DDX60: variants seen among roughly 807,000 people sequenced by gnomAD.
DDX60 encodes the protein DExD/H-box helicase 60, also known as probable ATP-dependent RNA helicase DDX60.
Under a neutral mutation model 212.8 loss-of-function variants are expected in DDX60, and 165 were observed. That is an observed-to-expected ratio of 0.78 (90% CI 0.68 to 0.88). The LOEUF is 0.88. DDX60 is among the 40% of genes least tolerant of loss of function. The probability of loss-of-function intolerance (pLI) is 0.00; values close to 1 mark genes in which losing one functional copy is unlikely to be tolerated. For synonymous variants in DDX60, 703 were observed against 685.3 expected (o/e 1.03, Z -0.40); for missense variants, 1,905 against 2,003.9 (o/e 0.95, Z 0.94).
In DDX60 at chr4:168,246,603, C is replaced by T; in HGVS notation, c.3979G>A (p.Gly1327Arg). Residue 1327 changes from glycine (G) to arginine (R), a missense_variant, in exon 30 of 38, where the codon GGA (glycine) becomes AGA (arginine). By Grantham distance (125) the Gly-to-Arg change is moderately radical. Transcript: ENST00000393743. ...LNYRQMSGRA[G>R]RRGQDLMGDV... is the part of the protein sequence containing the mutation. The stretch of plus-strand genomic sequence containing the variant: ...CCCATCAGGTCTTGACCTCTTCTTC[C>T]AGCACGGCCAGACATCTGAAAAGAG... 1 of 1,614,042 alleles carries T rather than the reference C, an allele frequency of 6.2e-7. No homozygotes were observed. The highest frequency in any genetic ancestry group is 8.5e-7 in the Non-Finnish European group (1 of 1,179,960).
intron 8 of DDX60, 90 bp from the exon 9 acceptor site, chr4:168,288,405 G>A: frequency 3.3e-6 from 3 of 895,900 alleles, no homozygotes; most frequent in Non-Finnish European, 5.0e-6. Context: ...GAAAGGCAGT[G>A]GGCAGGATCA....
the DDX60 span, among the ~76,000 whole-genome samples, chr4:168,324,593 A>G: frequency 1.3e-5 from 2 of 152,302 alleles, no homozygotes. Flanking sequence ...CCAGAACCCA[A>G]AAGGACTAAA....
intron 33 of DDX60, among the ~76,000 whole-genome samples, chr4:168,234,322 C>T (rs1007654413): frequency 1.2e-4 from 18 of 151,178 alleles, no homozygotes; most frequent in Non-Finnish European, 2.1e-4. Context: ...ATTTTTTTTT[C>T]TGGGACTCCC....
intron 25 of DDX60, 146 bp downstream of exon 25, chr4:168,260,719 A>T: frequency 1.4e-6 from 1 of 734,140 alleles, no homozygotes; most frequent in Non-Finnish European, 2.3e-6. Context: ...CTGGCCCACC[A>T]CTCACCTCCT....
chr4:168,272,147 A>G lies in DDX60; in HGVS notation c.2575-9T>C. ...GGCACTGTAATAAGTACCTACAAAG[A>G]ATAATATTGTGTGAAGTAACATTTT... On this transcript the variant is annotated splice_polypyrimidine_tract_variant and intron_variant, in intron 18 of 37. Coordinates refer to ENST00000393743, the MANE Select transcript of DDX60 (RefSeq NM_017631.6). 1 of 1,561,336 alleles carries G rather than the reference A, an allele frequency of 6.4e-7. No homozygotes were observed. Among genetic ancestry groups the G allele is most frequent in the African/African-American group, 1.4e-5 (1 of 73,652 alleles).
At position 168,238,801 on chromosome 4, in the gene DDX60, T is replaced by C. The variant is rs550191613; in HGVS notation, c.4165-1006A>G. ...GATAGCATTGCATACTATAGTTTAT[T>C]GTGATTAATGTCATCCAGATAATCA... is the stretch of plus-strand genomic sequence containing the variant. On this transcript the variant is annotated intron_variant, in intron 30 of 37. Coordinates refer to ENST00000393743, the MANE Select transcript of DDX60 (RefSeq NM_017631.6). Among the ~76,000 whole-genome samples, 31 of 152,154 alleles carry C rather than the reference T, an allele frequency of 2.0e-4. 1 individual carries two copies. The highest frequency in any genetic ancestry group is 4.1e-4 in the Non-Finnish European group (28 of 68,018).
intron 5 of DDX60, among the ~76,000 whole-genome samples, chr4:168,302,666 A>T (rs1736696769): frequency 6.6e-6 from 1 of 152,204 alleles, no homozygotes; most frequent in Non-Finnish European, 1.5e-5. Flanking sequence ...TTAACATAAC[A>T]TAAAATTCCT....
intron 13 of DDX60, 83 bp from the exon 14 acceptor site, chr4:168,280,673 T>C: frequency 7.0e-7 from 1 of 1,434,522 alleles, no homozygotes; most frequent in Non-Finnish European, 9.3e-7. Flanking sequence ...ATATTATGGG[T>C]GTATTGAAGA....
At chr4:168,263,141 T>A in intron 22 of DDX60, among the ~76,000 whole-genome samples, 1 of 152,174 alleles carries the variant, frequency 6.6e-6, no homozygotes, top group East Asian at 1.9e-4. Flanking sequence ...ACACCAAAAC[T>A]GATGTAATTA....
chr4:168,234,989 A>T (rs1733581710), intron 33 of DDX60, among the ~76,000 whole-genome samples: 1 of 152,100 alleles, frequency 6.6e-6, no homozygotes, highest in Non-Finnish European at 1.5e-5. Context: ...TCTCAAATCT[A>T]AAAGACTGCT....
chr4:168,223,023 G>A (rs997483993), intron 35 of DDX60, among the ~76,000 whole-genome samples: 1 of 152,076 alleles, frequency 6.6e-6, no homozygotes, highest in Non-Finnish European at 1.5e-5. Flanking sequence ...GGTGACTGCA[G>A]TAACTATTCC....
At chr4:168,286,019 G>A (rs1735830499) in intron 10 of DDX60, among the ~76,000 whole-genome samples, 1 of 142,112 alleles carries the variant, frequency 7.0e-6, no homozygotes. Context: ...GGGAAGGAAG[G>A]ATGGAGGGAG....
chr4:168,325,670 TG>T, the DDX60 span, among the ~76,000 whole-genome samples: 1 of 152,214 alleles, frequency 6.6e-6, no homozygotes. Flanking sequence ...GACTGGTCAG[TG>T]AGAGGAAACA....
At chr4:168,288,603 G>C (rs560436060) in intron 8 of DDX60, among the ~76,000 whole-genome samples, 2 of 152,342 alleles carry the variant, frequency 1.3e-5, no homozygotes, top group South Asian at 4.1e-4. Flanking sequence ...GTTACCCACA[G>C]ATAGAATTCC....
Position 168,252,183 on chromosome 4 carries a change from A to G in DDX60, c.3705+326T>C, listed in dbSNP as rs1486676246. ...AATAGAAACAAATAACGAAACGGCAAACATTTTCAGAGGTGAACTGTTAAC... is the reference window on the plus strand; with the variant it reads ...AATAGAAACAAATAACGAAACGGCAGACATTTTCAGAGGTGAACTGTTAAC... On this transcript the variant is annotated intron_variant, in intron 27 of 37. Transcript: ENST00000393743. 5.9e-5 allele frequency among the ~76,000 whole-genome samples: 9 copies of G among 152,250 alleles called. 1 individual carries two copies. Among genetic ancestry groups the G allele is most frequent in the East Asian group, 5.8e-4 (3 of 5,200 alleles).
intron 14 of DDX60, among the ~76,000 whole-genome samples, chr4:168,277,369 C>T (rs1000654457): frequency 6.6e-6 from 1 of 152,074 alleles, no homozygotes; most frequent in African/African-American, 2.4e-5. Flanking sequence ...TTAACCACGC[C>T]CACAACCTTA....
intron 25 of DDX60, among the ~76,000 whole-genome samples, chr4:168,258,474 A>T (rs1191694858): frequency 6.6e-6 from 1 of 152,166 alleles, no homozygotes; most frequent in East Asian, 1.9e-4. Context: ...AAAAGGCTTA[A>T]GGGTACACTA....
intron 37 of DDX60, 191 bp downstream of exon 37, chr4:168,220,464 T>A: frequency 2.3e-6 from 1 of 439,446 alleles, no homozygotes; most frequent in Non-Finnish European, 4.1e-6. Context: ...TTGGAATTAA[T>A]TCTGTTATAG....
chr4:168,303,909 G>A (rs1490873310), intron 5 of DDX60, among the ~76,000 whole-genome samples: 1 of 152,094 alleles, frequency 6.6e-6, no homozygotes, highest in East Asian at 1.9e-4. Flanking sequence ...TCAAACCCAG[G>A]AGGCAGAGGT....
Sources: gnomAD v4.1 joint callset for allele counts (sites outside exome capture counted in the v4.1 genomes callset) on GRCh38, gnomAD v4.1.1 for gene constraint, MANE v1.5 for transcripts, NCBI Gene and HGNC (gene_info 2026-07-23, HGNC 2026-07-21) for gene names.